Variants in MEGF11 observed in about 807,000 individuals in gnomAD.
The protein encoded by MEGF11 is multiple epidermal growth factor-like domains protein 11.
Under a neutral mutation model 146.6 loss-of-function variants are expected in MEGF11, and 126 were observed. The ratio of observed to expected loss-of-function variants is 0.86; its 90% CI spans 0.74 to 1.00. The LOEUF is 1.00. Ranked by LOEUF, MEGF11 falls within the 50% of genes least tolerant of loss-of-function variation. The pLI is 0.00. For missense variants in MEGF11, 1,509 were observed against 1,521.2 expected, an observed-to-expected ratio of 0.99 and a Z score of 0.13; for synonymous variants, 532 against 583.4, an observed-to-expected ratio of 0.91 and a Z score of 1.27.
intron 5 of MEGF11, among the ~76,000 whole-genome samples, chr15:66,078,430 C>A (rs1041214482): frequency 6.6e-6 from 1 of 152,246 alleles, no homozygotes; most frequent in Non-Finnish European, 1.5e-5. Flanking sequence ...CTCTCTAACC[C>A]CACCTTATGG....
chr15:66,171,163 T>G (rs963747386), intron 1 of MEGF11, among the ~76,000 whole-genome samples: 1 of 152,186 alleles, frequency 6.6e-6, no homozygotes, highest in Non-Finnish European at 1.5e-5. Context: ...GTGGCTCTTG[T>G]TGGAGTCACG....
intron 19 of MEGF11, among the ~76,000 whole-genome samples, chr15:65,915,151 G>C (rs1013381057): frequency 1.3e-5 from 2 of 152,208 alleles, no homozygotes; most frequent in African/African-American, 4.8e-5. Context: ...AGGACACCTG[G>C]CGGGTAAGGC....
chr15:65,966,491 TAC>T (rs769279824), intron 8 of MEGF11, among the ~76,000 whole-genome samples: 3 of 152,358 alleles, frequency 2.0e-5, no homozygotes, highest in South Asian at 2.1e-4. Flanking sequence ...GGGCCAGATG[TAC>T]AGTCTCTCTT....
rs539178226 is a variant in MEGF11, at chr15:66,065,289, T to G, written c.394+29113A>C. ...GGAACATAAACCAGGAGTCTATTTA[T>G]TCTATGATGGTGAAAAAAAAAAAAA... On this transcript the variant is annotated intron_variant, in intron 5 of 25. Coordinates refer to ENST00000395614, the MANE Select transcript of MEGF11 (RefSeq NM_001385028.1). Among the ~76,000 whole-genome samples the G allele has an allele frequency of 2.9e-4, 44 of 151,296 alleles. No homozygotes were observed. In the South Asian group the frequency reaches 9.1e-3, roughly 31 times the overall value.
At chr15:65,962,357 G>A (rs2080889357) in intron 9 of MEGF11, among the ~76,000 whole-genome samples, 1 of 152,102 alleles carries the variant, frequency 6.6e-6, no homozygotes, top group Non-Finnish European at 1.5e-5. Flanking sequence ...TGGGACATCC[G>A]GCAATGTCTG....
intron 1 of MEGF11, among the ~76,000 whole-genome samples, chr15:66,235,223 C>T (rs1597167515): frequency 2.0e-5 from 3 of 152,310 alleles, no homozygotes; most frequent in African/African-American, 7.2e-5. Context: ...CAAAATATAG[C>T]AGGGCAAGGT....
At position 65,928,533 on chromosome 15, in the gene MEGF11, G is replaced by T; in HGVS notation, c.1573-6C>A. On this transcript the variant is annotated splice_region_variant and splice_polypyrimidine_tract_variant and intron_variant, in intron 12 of 25. Coordinates refer to ENST00000395614, the MANE Select transcript of MEGF11 (RefSeq NM_001385028.1). The stretch of plus-strand genomic sequence containing the variant: ...TTCAGCCCAAATGTGCCATCCTGTG[G>T]AGAAGACAGGGAGAGAAAAATGATC... 6.3e-7 allele frequency: 1 copy of T among 1,581,656 alleles called. No homozygotes were observed. Among genetic ancestry groups the T allele is most frequent in the Non-Finnish European group, 8.6e-7 (1 of 1,158,880 alleles).
chr15:66,125,515 A>T (rs980085191), intron 2 of MEGF11, among the ~76,000 whole-genome samples: 2 of 152,218 alleles, frequency 1.3e-5, no homozygotes, highest in Non-Finnish European at 2.9e-5. Flanking sequence ...TGTTAGCAGC[A>T]TGCTCTTAGA....
chr15:66,145,525 A>C (rs948891624), intron 1 of MEGF11, among the ~76,000 whole-genome samples: 2 of 152,098 alleles, frequency 1.3e-5, no homozygotes, highest in Admixed American at 1.3e-4. Context: ...AGAGAGAGGG[A>C]AGGTGCATAG....
intron 4 of MEGF11, among the ~76,000 whole-genome samples, chr15:66,111,602 A>T (rs1045461163): frequency 3.3e-5 from 5 of 152,188 alleles, no homozygotes; most frequent in African/African-American, 1.2e-4. Flanking sequence ...GGGACTTCAT[A>T]CCCACTCAAG....
chr15:66,209,907 T>C (rs1567284839), intron 1 of MEGF11, among the ~76,000 whole-genome samples: 1 of 151,692 alleles, frequency 6.6e-6, no homozygotes, highest in Non-Finnish European at 1.5e-5. Context: ...GCAGCCCCCA[T>C]CTCCTGGGCT....
chr15:66,252,558 G>C (rs2092390049), intron 1 of MEGF11, among the ~76,000 whole-genome samples: 1 of 152,160 alleles, frequency 6.6e-6, no homozygotes, highest in African/African-American at 2.4e-5. Flanking sequence ...GAGCCCGCGA[G>C]TCCAGGTCCG....
chr15:65,984,759 CTTATTTATTTAT>C (rs34021202), intron 5 of MEGF11, among the ~76,000 whole-genome samples: 7 of 151,404 alleles, frequency 4.6e-5, no homozygotes, highest in African/African-American at 1.5e-4. Context: ...CCACATTTTA[CTTATTTATTTAT>C]TTATTTATTT....
chr15:66,120,555 T>C (rs958885657), intron 3 of MEGF11, among the ~76,000 whole-genome samples: 29 of 152,200 alleles, frequency 1.9e-4, no homozygotes, highest in African/African-American at 6.0e-4. Context: ...TAATACAGGC[T>C]GGGACAACCC....
rs2078365858 is a variant in MEGF11, at chr15:65,896,738, T to C, written c.*1196A>G. The C allele has an allele frequency of 6.6e-6, 1 of 152,208 alleles. No homozygotes were observed. The highest frequency in any genetic ancestry group is 6.5e-5 in the Admixed American group (1 of 15,274). 9.4% of individuals were successfully genotyped at this position (152,208 alleles called of 1,614,324 possible). A position where few individuals can be genotyped will look rare whatever the true frequency, so the allele number is the denominator to read the frequency against. Reference sequence around the variant, plus strand: ...GAGCATTAGCTCATTGTAATGCATATTGGGCTAGCTCAGTAAGTAGTAGTT... The same window carrying C: ...GAGCATTAGCTCATTGTAATGCATACTGGGCTAGCTCAGTAAGTAGTAGTT... On this transcript the variant is annotated 3_prime_UTR_variant, in exon 26 of 26. Transcript: ENST00000395614.
intron 5 of MEGF11, among the ~76,000 whole-genome samples, chr15:66,027,506 T>G (rs1423198999): frequency 6.6e-6 from 1 of 152,174 alleles, no homozygotes; most frequent in East Asian, 1.9e-4. Context: ...CATGCATTCT[T>G]CCCGTTCACA....
intron 1 of MEGF11, among the ~76,000 whole-genome samples, chr15:66,173,694 C>T (rs1014692410): frequency 6.6e-6 from 1 of 152,196 alleles, no homozygotes; most frequent in African/African-American, 2.4e-5. Flanking sequence ...TCCACCATTA[C>T]CCCTCCCCTC....
intron 1 of MEGF11, among the ~76,000 whole-genome samples, chr15:66,159,031 G>T (rs1214607293): frequency 6.6e-6 from 1 of 152,202 alleles, no homozygotes; most frequent in Non-Finnish European, 1.5e-5. Context: ...TTTGCTTTGA[G>T]AGTTGATCTT....
chr15:66,002,995 TC>T (rs1223638410), intron 5 of MEGF11, among the ~76,000 whole-genome samples: 1 of 151,322 alleles, frequency 6.6e-6, no homozygotes, highest in Non-Finnish European at 1.5e-5. Context: ...CTTTCTTTTT[TC>T]TTTTTTTTTT....
Sources: gnomAD v4.1 joint callset for allele counts (sites outside exome capture counted in the v4.1 genomes callset) on GRCh38, gnomAD v4.1.1 for gene constraint, MANE v1.5 for transcripts, NCBI Gene and HGNC (gene_info 2026-07-23, HGNC 2026-07-21) for gene names.